The following DCC variants were observed in gnomAD, a reference collection of about 807,000 sequenced individuals.
The protein encoded by DCC is netrin receptor DCC.
DCC carries 58 observed loss-of-function variants against 172.5 expected under a neutral mutation model. The ratio of observed to expected loss-of-function variants is 0.34; its 90% CI spans 0.27 to 0.42. The LOEUF (loss-of-function observed/expected upper bound fraction) is 0.42, where lower values mean the gene tolerates loss of function less well. Among genes scored for constraint, DCC ranks in the 10% least tolerant of loss-of-function variants. The probability of loss-of-function intolerance (pLI) is 1.00; values close to 1 mark genes in which losing one functional copy is unlikely to be tolerated. For missense variants in DCC, 1,740 were observed against 1,791.0 expected (o/e 0.97, Z 0.51); for synonymous variants, 709 against 644.5 (o/e 1.10, Z -1.52).
At chr18:53,099,695 T>C (rs1005307348) in intron 7 of DCC, among the ~76,000 whole-genome samples, 9 of 152,090 alleles carry the variant, frequency 5.9e-5, no homozygotes, top group Non-Finnish European at 1.3e-4. Flanking sequence ...TCTGAATAAC[T>C]AGTAAGTTCC....
intron 1 of DCC, among the ~76,000 whole-genome samples, chr18:52,681,385 T>C (rs2035748202): frequency 6.6e-6 from 1 of 152,130 alleles, no homozygotes; most frequent in Admixed American, 6.6e-5. Flanking sequence ...ATCAGGGAGA[T>C]GATGTGTCAG....
chr18:52,427,499 GGAGGGTCT>G (rs1166465169), intron 1 of DCC, among the ~76,000 whole-genome samples: 1 of 152,078 alleles, frequency 6.6e-6, no homozygotes, highest in Non-Finnish European at 1.5e-5. Context: ...TTTGCACAGT[GGAGGGTCT>G]GAGTCTGAGC....
intron 7 of DCC, among the ~76,000 whole-genome samples, chr18:53,094,430 G>A (rs1024235903): frequency 1.3e-5 from 2 of 152,112 alleles, no homozygotes. Flanking sequence ...GTCACTTTTA[G>A]CCCAATTCTT....
chr18:52,562,282 T>C (rs897579168), intron 1 of DCC, among the ~76,000 whole-genome samples: 5 of 152,174 alleles, frequency 3.3e-5, no homozygotes, highest in African/African-American at 7.2e-5. Context: ...CGACATTCTT[T>C]AATTAGTAAT....
chr18:53,283,449 C>T lies in DCC; in HGVS notation c.1912-22129C>T, dbSNP rs150849996. On this transcript the variant is annotated intron_variant, in intron 12 of 28. Coordinates refer to ENST00000442544, the MANE Select transcript of DCC (RefSeq NM_005215.4). ...AATTATAACATTAATATAGGAAGGA[C>T]ACGTTTACTGATTTGATGTATATTA... is the stretch of plus-strand genomic sequence containing the variant. Among the ~76,000 whole-genome samples the T allele has an allele frequency of 1.4e-4, 22 of 152,140 alleles. No individual in the cohort carries two copies. The East Asian group carries it at 4.1e-3, about 28-fold the overall frequency.
intron 7 of DCC, among the ~76,000 whole-genome samples, chr18:53,067,386 ACAGGCAGCCACCTGTAGTC>A (rs2042587935): frequency 6.6e-6 from 1 of 151,914 alleles, no homozygotes; most frequent in South Asian, 2.1e-4. Context: ...ATATTTAAAA[ACAGGCAGCCACCTGTAGTC>A]CAGCTACTTG....
intron 1 of DCC, among the ~76,000 whole-genome samples, chr18:52,571,556 C>A (rs932482607): frequency 6.6e-6 from 1 of 152,172 alleles, no homozygotes; most frequent in Non-Finnish European, 1.5e-5. Flanking sequence ...AACACTGCAG[C>A]CTTCAATGGG....
At chr18:52,965,108 A>G (rs1226151040) in intron 5 of DCC, 1 of 152,188 alleles carries the variant, frequency 6.6e-6, no homozygotes, top group African/African-American at 2.4e-5. Flanking sequence ...CTTCACAGCT[A>G]CAAAGTTCCT....
At chr18:52,536,796 T>C (rs2032302596) in intron 1 of DCC, among the ~76,000 whole-genome samples, 1 of 152,200 alleles carries the variant, frequency 6.6e-6, no homozygotes, top group African/African-American at 2.4e-5. Context: ...ATCCTTTCAA[T>C]ATTTTTATGC....
At chr18:53,036,823 G>A (rs111641422) in intron 5 of DCC, among the ~76,000 whole-genome samples, 1,630 of 152,086 alleles carry the variant, frequency 0.011, 31 homozygotes, top group African/African-American at 0.037. Flanking sequence ...ACATCTGTTT[G>A]CAAAATATGC....
Position 52,773,611 on chromosome 18 carries a change from C to G in DCC, c.412+21237C>G, listed in dbSNP as rs928501106. On this transcript the variant is annotated intron_variant, in intron 2 of 28. Coordinates refer to ENST00000442544, the MANE Select transcript of DCC (RefSeq NM_005215.4). ...GTGCGATCTCGGCTCACTGCAACCT[C>G]TCCCTCCTGGGTTCAAGCAATTCTC... Among the ~76,000 whole-genome samples, 15 of 152,282 alleles carry G rather than the reference C, an allele frequency of 9.9e-5. No individual in the cohort carries two copies. In the East Asian group the frequency reaches 2.9e-3, roughly 29 times the overall value.
chr18:52,929,234 G>C (rs1257698531), intron 5 of DCC, among the ~76,000 whole-genome samples: 6 of 152,086 alleles, frequency 3.9e-5, no homozygotes, highest in Non-Finnish European at 8.8e-5. Context: ...AAGATAAGTG[G>C]CTATCCCAAG....
In DCC at chr18:53,012,370, A is replaced by C. The variant is rs548077952; in HGVS notation, c.986-50935A>C. On this transcript the variant is annotated intron_variant, in intron 5 of 28. Coordinates refer to ENST00000442544, the MANE Select transcript of DCC (RefSeq NM_005215.4). ...GTAATTAATGCACAAATTGATGTAC[A>C]CTACAATATGAATAAATCTTAAAAA... 5.3e-5 allele frequency among the ~76,000 whole-genome samples: 8 copies of C among 152,148 alleles called. No individual in the cohort carries two copies. In the South Asian group the frequency reaches 1.7e-3, roughly 32 times the overall value.
chr18:53,444,485 C>T (rs1003297372), intron 22 of DCC, among the ~76,000 whole-genome samples: 2 of 152,176 alleles, frequency 1.3e-5, no homozygotes, highest in Admixed American at 6.5e-5. Flanking sequence ...AGTGACAGAA[C>T]GAGAGTCTGT....
chr18:52,988,264 TAA>T (rs11362874), intron 5 of DCC, among the ~76,000 whole-genome samples: 129 of 149,850 alleles, frequency 8.6e-4, no homozygotes, highest in African/African-American at 2.4e-3. Flanking sequence ...GGTGTTTCTG[TAA>T]AAAAAAAAAA....
At chr18:52,995,229 A>G (rs1217852823) in intron 5 of DCC, among the ~76,000 whole-genome samples, 1 of 152,142 alleles carries the variant, frequency 6.6e-6, no homozygotes, top group Admixed American at 6.6e-5. Flanking sequence ...GAACTACATA[A>G]GTGACTCTAC....
At chr18:52,487,584 G>A (rs1461857091) in intron 1 of DCC, among the ~76,000 whole-genome samples, 1 of 152,082 alleles carries the variant, frequency 6.6e-6, no homozygotes, top group Non-Finnish European at 1.5e-5. Flanking sequence ...GCTGAGGCGG[G>A]TGGATTACCT....
At chr18:53,210,952 AT>A (rs150536959) in intron 11 of DCC, among the ~76,000 whole-genome samples, 3,150 of 150,876 alleles carry the variant, frequency 0.021, 110 homozygotes, top group African/African-American at 0.07. Flanking sequence ...ACAATGAGCC[AT>A]TTTTTTTTCA....
chr18:53,417,348 CA>C (rs1910374014), intron 21 of DCC, among the ~76,000 whole-genome samples: 2 of 152,132 alleles, frequency 1.3e-5, no homozygotes, highest in African/African-American at 2.4e-5. Context: ...GGACTGTGCA[CA>C]GCAATGGCTA....
Sources: allele counts gnomAD v4.1 joint callset (sites outside exome capture counted in the v4.1 genomes callset), GRCh38; gene constraint gnomAD v4.1.1; transcripts MANE v1.5; gene names NCBI Gene and HGNC (gene_info 2026-07-23, HGNC 2026-07-21).